CA12: variants seen among roughly 807,000 people sequenced by gnomAD.
CA12 encodes the protein carbonic anhydrase 12.
A neutral mutation model predicts 46.8 loss-of-function variants in CA12; 36 were observed. The ratio of observed to expected loss-of-function variants is 0.77; its 90% CI spans 0.59 to 1.02. The LOEUF (loss-of-function observed/expected upper bound fraction) is 1.02, where lower values mean the gene tolerates loss of function less well. Ranked by LOEUF, CA12 falls within the 50% of genes least tolerant of loss-of-function variation. CA12 has a pLI of 0.00. For missense variants in CA12, 436 were observed against 451.4 expected (o/e 0.97, Z 0.31); for synonymous variants, 202 against 187.0 (o/e 1.08, Z -0.65).
At chr15:63,381,438 C>T (rs1364070032) in intron 1 of CA12, among the ~76,000 whole-genome samples, 198 bp downstream of exon 1, 3 of 152,224 alleles carry the variant, frequency 2.0e-5, no homozygotes, top group African/African-American at 7.2e-5. Flanking sequence ...CTGCGCCAAG[C>T]GCCACTAGAA....
At position 63,345,465 on chromosome 15, in the gene CA12, A is replaced by C. The variant is rs748807003; in HGVS notation, c.429+12T>G. ...GCAGAGCAGCCTCTGCCAGACTGGC[A>C]GCCCTACTTACCTCGGCGGCGAAGT... On this transcript the variant is annotated intron_variant, in intron 4 of 10. Coordinates refer to ENST00000178638, the MANE Select transcript of CA12 (RefSeq NM_001218.5). This position sits in a 1 kb window ranked among gnomAD's most constrained non-coding sequence, Gnocchi z 4.3. 3.1e-6 allele frequency: 5 copies of C among 1,604,582 alleles called. No homozygotes were observed. The Admixed American group carries it at 5.0e-5, about 16-fold the overall frequency.
Position 63,328,849 on chromosome 15 carries a change from C to T in CA12, c.875-719G>A, listed in dbSNP as rs997865749. On this transcript the variant is annotated intron_variant, in intron 8 of 10. Coordinates refer to ENST00000178638, the MANE Select transcript of CA12 (RefSeq NM_001218.5). The surrounding 1 kb of genome is among the most constrained non-coding windows in gnomAD (Gnocchi z 5.9). Reference sequence around the variant, plus strand: ...CCGAGCAGCTGGGACTGCAGGCGTGCACCACAACGCTTGGCTAATTTTTGT... The same window carrying T: ...CCGAGCAGCTGGGACTGCAGGCGTGTACCACAACGCTTGGCTAATTTTTGT... Among the ~76,000 whole-genome samples the T allele has an allele frequency of 6.6e-6, 1 of 152,140 alleles. No homozygotes were observed.
chr15:63,376,868 C>T (rs1191260981), intron 1 of CA12, among the ~76,000 whole-genome samples: 8 of 151,980 alleles, frequency 5.3e-5, no homozygotes, highest in Non-Finnish European at 1.0e-4. Flanking sequence ...ATCTCAAACT[C>T]CTGGGCTCAA....
rs1481357057 is a variant in CA12, at chr15:63,364,489, G to C, written c.106+11169C>G. 4.6e-5 allele frequency among the ~76,000 whole-genome samples: 7 copies of C among 152,252 alleles called. No homozygotes were observed. In the East Asian group the frequency reaches 1.4e-3, roughly 29 times the overall value. ...TGAGAGGCTGGGTCCCAGTTAAACT[G>C]TACAGGAGATGCAGCTGGGAGTATG... On this transcript the variant is annotated intron_variant, in intron 2 of 10. Transcript: ENST00000178638.
Position 63,346,822 on chromosome 15 carries a change from C to T in CA12, c.107-113G>A, listed in dbSNP as rs79029250. 91,520 of 1,209,420 alleles carry T rather than the reference C, an allele frequency of 0.076. 4,107 individuals are homozygous for T. The highest frequency in any genetic ancestry group is 0.09 in the Non-Finnish European group (75,948 of 839,274). The allele number at this position is 1,209,420 out of a possible 1,614,324, so 74.9% of individuals were successfully genotyped here. On this transcript the variant is annotated intron_variant, in intron 2 of 10. Transcript: ENST00000178638. The stretch of plus-strand genomic sequence containing the variant: ...CCTTTTCTCCTCTTTTCTGAATCCC[C>T]GGAGGTAAATCTTCAAGGCTCAGAG...
intron 2 of CA12, among the ~76,000 whole-genome samples, chr15:63,370,854 T>TGC (rs1382038676): frequency 1.3e-5 from 2 of 152,176 alleles, no homozygotes; most frequent in Non-Finnish European, 1.5e-5. Context: ...TGCCCCTTAT[T>TGC]CATCCTCAGG....
chr15:63,381,789 T>G lies in CA12; in HGVS notation c.-69A>C. 9.0e-7 allele frequency: 1 copy of G among 1,115,064 alleles called. No individual in the cohort carries two copies. The highest frequency in any genetic ancestry group is 1.2e-6 in the Non-Finnish European group (1 of 816,044). 69.1% of individuals were successfully genotyped at this position (1,115,064 alleles called of 1,614,324 possible). A position where few individuals can be genotyped will look rare whatever the true frequency, so the allele number is the denominator to read the frequency against. The stretch of plus-strand genomic sequence containing the variant: ...TCCCGGTGGCCGCTCGCTCTCCAGC[T>G]GCACACCGGGACCGCGTGCGCGCAG... On this transcript the variant is annotated 5_prime_UTR_variant, in exon 1 of 11. Transcript: ENST00000178638.
In CA12 at chr15:63,325,273, A is replaced by G. The variant is rs915155584; in HGVS notation, c.*1012T>C. 4 of 152,240 alleles carry G rather than the reference A, an allele frequency of 2.6e-5. No individual in the cohort carries two copies. The highest frequency in any genetic ancestry group is 2.6e-4 in the Admixed American group (4 of 15,284). 9.4% of individuals were successfully genotyped at this position (152,240 alleles called of 1,614,324 possible). On this transcript the variant is annotated 3_prime_UTR_variant, in exon 11 of 11. Coordinates refer to ENST00000178638, the MANE Select transcript of CA12 (RefSeq NM_001218.5). The surrounding 1 kb of genome is among the most constrained non-coding windows in gnomAD (Gnocchi z 4.9). ...TGAAATGAAATTTGGCCTACAGAGA[A>G]TAAGTTCTACAGTCATTTTGTTTCT...
At chr15:63,338,699 G>A in intron 8 of CA12, 120 bp downstream of exon 8, 1 of 1,353,296 alleles carries the variant, frequency 7.4e-7, no homozygotes, top group East Asian at 2.3e-5. Context: ...TCCCGTGGCA[G>A]CCAGGGAGCT....
intron 2 of CA12, among the ~76,000 whole-genome samples, chr15:63,362,906 G>A (rs1378796633): frequency 6.6e-6 from 1 of 152,152 alleles, no homozygotes; most frequent in Admixed American, 6.5e-5. Flanking sequence ...AAGGTCGAGG[G>A]CTTTGGAGGC....
chr15:63,354,682 CTG>C (rs1348449026), intron 2 of CA12, among the ~76,000 whole-genome samples: 1 of 152,200 alleles, frequency 6.6e-6, no homozygotes, highest in Non-Finnish European at 1.5e-5. Flanking sequence ...GCTGTGTTCT[CTG>C]TGGCTCTAGT....
intron 10 of CA12, among the ~76,000 whole-genome samples, 178 bp from the exon 11 acceptor site, chr15:63,326,535 A>C (rs1164399062): frequency 6.6e-6 from 1 of 152,240 alleles, no homozygotes; most frequent in African/African-American, 2.4e-5. Flanking sequence ...TAACAAAAAC[A>C]GAACTTGTTC....
rs910915668 is a variant in CA12 at position 63,329,402 on chromosome 15, T to A, written c.875-1272A>T. On this transcript the variant is annotated intron_variant, in intron 8 of 10. Transcript: ENST00000178638. The surrounding 1 kb of genome is among the most constrained non-coding windows in gnomAD (Gnocchi z 4.8). ...GAAAATCACATGAGAATCCATTGTC[T>A]TGAGTGAGCAGAGGATCCCAGTCAT... Among the ~76,000 whole-genome samples the A allele has an allele frequency of 6.6e-6, 1 of 152,204 alleles. No homozygotes were observed. Among genetic ancestry groups the A allele is most frequent in the African/African-American group, 2.4e-5 (1 of 41,444 alleles).
At chr15:63,381,511 A>G (rs577591839) in intron 1 of CA12, 125 bp downstream of exon 1, 11 of 793,180 alleles carry the variant, frequency 1.4e-5, no homozygotes, top group Admixed American at 2.1e-5. Context: ...TTGAGAATCT[A>G]CTATTTGGTA....
At chr15:63,368,005 T>G (rs1252641985) in intron 2 of CA12, among the ~76,000 whole-genome samples, 2 of 152,236 alleles carry the variant, frequency 1.3e-5, no homozygotes, top group Non-Finnish European at 2.9e-5. Context: ...ACGTGCTGTG[T>G]CAGACCAGGT....
chr15:63,347,317 A>G (rs2039163828), intron 2 of CA12, among the ~76,000 whole-genome samples: 1 of 152,248 alleles, frequency 6.6e-6, no homozygotes, highest in African/African-American at 2.4e-5. Flanking sequence ...CTTTGCAAGT[A>G]TGACCTTCCT....
In CA12 at chr15:63,373,645, T is replaced by G. The variant is rs1406891051; in HGVS notation, c.106+2013A>C. Among the ~76,000 whole-genome samples, 1 of 152,134 alleles carries G rather than the reference T, an allele frequency of 6.6e-6. No homozygotes were observed. The highest frequency in any genetic ancestry group is 1.5e-5 in the Non-Finnish European group (1 of 68,014). ...AAGAATACAGGTTTTTCAGGCTCCC[T>G]CCCTTTCCCAGGTCTAGCCCAAGGC... is the stretch of plus-strand genomic sequence containing the variant. On this transcript the variant is annotated intron_variant, in intron 2 of 10. Transcript: ENST00000178638. This position sits in a 1 kb window ranked among gnomAD's most constrained non-coding sequence, Gnocchi z 4.9.
In CA12 at chr15:63,341,940, G is replaced by T; in HGVS notation, c.525+62C>A. ...TCAACAGGTATGCATGGAACAAAAG[G>T]TGGAATCCCAATCTCATCCCTGCTT... On this transcript the variant is annotated intron_variant, in intron 5 of 10. Coordinates refer to ENST00000178638, the MANE Select transcript of CA12 (RefSeq NM_001218.5). The surrounding 1 kb of genome is among the most constrained non-coding windows in gnomAD (Gnocchi z 5.2). 8.6e-7 allele frequency: 1 copy of T among 1,163,424 alleles called. No homozygotes were observed. The highest frequency in any genetic ancestry group is 1.3e-6 in the Non-Finnish European group (1 of 775,674). The allele number at this position is 1,163,424 out of a possible 1,614,324, so 72.1% of individuals were successfully genotyped here. A position where few individuals can be genotyped will look rare whatever the true frequency, so the allele number is the denominator to read the frequency against.
rs965384098 is a variant in CA12, at chr15:63,330,086, G to A, written c.875-1956C>T. On this transcript the variant is annotated intron_variant, in intron 8 of 10. Transcript: ENST00000178638. This position sits in a 1 kb window ranked among gnomAD's most constrained non-coding sequence, Gnocchi z 4.0. Reference sequence around the variant, plus strand: ...CTCCCTACTCTGCTCACCACCACCAGCTGCTCATGACCTCCCAAGTGGCAG... The same window carrying A: ...CTCCCTACTCTGCTCACCACCACCAACTGCTCATGACCTCCCAAGTGGCAG... Among the ~76,000 whole-genome samples the A allele has an allele frequency of 1.6e-4, 24 of 152,232 alleles. No homozygotes were observed. The highest frequency in any genetic ancestry group is 5.2e-4 in the Admixed American group (8 of 15,284).
Sources: gnomAD v4.1 joint callset for allele counts (sites outside exome capture counted in the v4.1 genomes callset) on GRCh38, gnomAD v4.1.1 for gene constraint, Gnocchi (gnomAD v3.1) non-coding constraint, MANE v1.5 for transcripts, NCBI Gene and HGNC (gene_info 2026-07-23, HGNC 2026-07-21) for gene names.